ABCG1: variants seen among roughly 807,000 people sequenced by gnomAD.
ABCG1 encodes ATP-binding cassette sub-family G member 1.
ABCG1 carries 29 observed loss-of-function variants against 69.2 expected under a neutral mutation model. That is an observed-to-expected ratio of 0.42 (90% CI 0.31 to 0.57). ABCG1 has a LOEUF of 0.57. ABCG1 is among the 20% of genes least tolerant of loss of function. ABCG1 has a pLI of 0.15. For synonymous variants in ABCG1, 370 were observed against 374.8 expected (o/e 0.99, Z 0.15); for missense variants, 718 against 898.1 (o/e 0.80, Z 2.56).
intron 2 of ABCG1, among the ~76,000 whole-genome samples, chr21:42,253,107 T>G (rs2068249093): frequency 2.0e-5 from 3 of 152,138 alleles, no homozygotes; most frequent in African/African-American, 7.2e-5. Context: ...AAGATCCAGA[T>G]GCTAGCCTTG....
At chr21:42,282,707 C>A (rs552382434) in intron 6 of ABCG1, among the ~76,000 whole-genome samples, 2 of 152,368 alleles carry the variant, frequency 1.3e-5, no homozygotes, top group Non-Finnish European at 2.9e-5. Flanking sequence ...CCAAGTTCCC[C>A]GTGGCTCAGC....
chr21:42,248,081 G>A (rs1482487524), intron 2 of ABCG1, among the ~76,000 whole-genome samples: 1 of 152,196 alleles, frequency 6.6e-6, no homozygotes, highest in Non-Finnish European at 1.5e-5. Flanking sequence ...GGTCATGAGA[G>A]AGCAACGTTT....
At chr21:42,293,350 CCA>C (rs1569243086) in intron 13 of ABCG1, among the ~76,000 whole-genome samples, 1 of 147,118 alleles carries the variant, frequency 6.8e-6, no homozygotes, top group African/African-American at 2.5e-5. Flanking sequence ...ACACTACCCA[CCA>C]CACACTACAC....
At chr21:42,227,226 T>C (rs1315818862) in intron 2 of ABCG1, among the ~76,000 whole-genome samples, 2 of 152,210 alleles carry the variant, frequency 1.3e-5, no homozygotes, top group African/African-American at 2.4e-5. Context: ...TTTCAGAGCA[T>C]ACCAGCCTGT....
chr21:42,205,673 C>T (rs1222712495), intron 2 of ABCG1, among the ~76,000 whole-genome samples: 1 of 150,200 alleles, frequency 6.7e-6, no homozygotes, highest in Non-Finnish European at 1.5e-5. Flanking sequence ...CATTGATTTT[C>T]TCTACTGGCT....
intron 2 of ABCG1, among the ~76,000 whole-genome samples, chr21:42,245,043 G>A (rs1285589364): frequency 1.3e-5 from 2 of 152,230 alleles, no homozygotes; most frequent in African/African-American, 2.4e-5. Flanking sequence ...GCCCCCACGC[G>A]CTCCACGAGC....
chr21:42,276,065 A>T lies in ABCG1; in HGVS notation c.538-830A>T, dbSNP rs1462767012. Among the ~76,000 whole-genome samples the T allele has an allele frequency of 6.8e-6, 1 of 147,250 alleles. No homozygotes were observed. The highest frequency in any genetic ancestry group is 1.5e-5 in the Non-Finnish European group (1 of 67,176). On this transcript the variant is annotated intron_variant, in intron 4 of 14. Transcript: ENST00000398449. The surrounding 1 kb of genome is among the most constrained non-coding windows in gnomAD (Gnocchi z 5.3). ...ATCCTCACAGCAACTTCTCTAGCTAATGAGGTGGACAGAGCTTAACCTCAC... is the reference window on the plus strand; with the variant it reads ...ATCCTCACAGCAACTTCTCTAGCTATTGAGGTGGACAGAGCTTAACCTCAC...
At chr21:42,229,075 G>A (rs1007310210) in intron 2 of ABCG1, among the ~76,000 whole-genome samples, 12 of 152,120 alleles carry the variant, frequency 7.9e-5, no homozygotes, top group African/African-American at 2.9e-4. Flanking sequence ...GGTTCCTCCT[G>A]CTCCTGCTTT....
At chr21:42,294,175 G>A (rs1220462232) in intron 13 of ABCG1, among the ~76,000 whole-genome samples, 4 of 152,118 alleles carry the variant, frequency 2.6e-5, no homozygotes, top group Non-Finnish European at 4.4e-5. Flanking sequence ...AGGGGTGCCC[G>A]CCACACACCT....
intron 5 of ABCG1, among the ~76,000 whole-genome samples, chr21:42,280,879 G>A (rs1466494973): frequency 6.6e-6 from 1 of 152,222 alleles, no homozygotes; most frequent in Non-Finnish European, 1.5e-5. Context: ...TGGGAAGAGG[G>A]CTCTGCCCAC....
intron 2 of ABCG1, among the ~76,000 whole-genome samples, chr21:42,231,758 G>A (rs1377908813): frequency 6.6e-6 from 1 of 152,240 alleles, no homozygotes. Context: ...AGATGCTCAG[G>A]CTGAAGGGGG....
At chr21:42,232,355 G>A (rs1313993963) in intron 2 of ABCG1, among the ~76,000 whole-genome samples, 1 of 152,216 alleles carries the variant, frequency 6.6e-6, no homozygotes, top group South Asian at 2.1e-4. Flanking sequence ...ACCAGCTTGG[G>A]CCTGGGATCT....
At chr21:42,233,062 G>T (rs988963414) in intron 2 of ABCG1, among the ~76,000 whole-genome samples, 2 of 152,198 alleles carry the variant, frequency 1.3e-5, no homozygotes, top group Non-Finnish European at 2.9e-5. Flanking sequence ...ACCCAGTGCC[G>T]ACTGTTTTTG....
At chr21:42,257,634 A>G (rs1332677459) in intron 2 of ABCG1, among the ~76,000 whole-genome samples, 3 of 152,220 alleles carry the variant, frequency 2.0e-5, no homozygotes, top group Non-Finnish European at 4.4e-5. Flanking sequence ...CCACATTCCA[A>G]CAATGCTTAC....
At chr21:42,295,129 T>C (rs1433701691) in intron 14 of ABCG1, 1 of 156,296 alleles carries the variant, frequency 6.4e-6, no homozygotes, top group Non-Finnish European at 1.4e-5. Flanking sequence ...GAGACCAGCC[T>C]GGCCAACATG....
At chr21:42,224,375 G>A (rs763331153) in intron 1 of ABCG1, among the ~76,000 whole-genome samples, 5 of 152,128 alleles carry the variant, frequency 3.3e-5, no homozygotes, top group African/African-American at 7.2e-5. Flanking sequence ...CTTCGGGGTC[G>A]CTCCCTTGGA....
At chr21:42,245,578 G>A (rs2068119731) in intron 2 of ABCG1, among the ~76,000 whole-genome samples, 1 of 152,220 alleles carries the variant, frequency 6.6e-6, no homozygotes, top group African/African-American at 2.4e-5. Context: ...AAGGACAGAG[G>A]ACACAGGAGA....
intron 2 of ABCG1, among the ~76,000 whole-genome samples, chr21:42,263,229 T>TG (rs1189912291): frequency 2.0e-5 from 3 of 152,212 alleles, no homozygotes; most frequent in Non-Finnish European, 4.4e-5. Flanking sequence ...ATGGGATTAC[T>TG]GGGGGGTAAT....
rs1376954754 is a variant in ABCG1, at chr21:42,291,355, G to A, written c.1495-143G>A. On this transcript the variant is annotated intron_variant, in intron 12 of 14. Transcript: ENST00000398449. This position sits in a 1 kb window ranked among gnomAD's most constrained non-coding sequence, Gnocchi z 6.4. Reference sequence around the variant, plus strand: ...GGGCCTGACTTCGGGAGCTGTGGCGGGAGCTGTGGGGAGTGGGGAAGGACC... The same window carrying A: ...GGGCCTGACTTCGGGAGCTGTGGCGAGAGCTGTGGGGAGTGGGGAAGGACC... 4 of 1,231,666 alleles carry A rather than the reference G, an allele frequency of 3.2e-6. No homozygotes were observed. Among genetic ancestry groups the A allele is most frequent in the African/African-American group, 3.0e-5 (2 of 66,808 alleles). The allele number at this position is 1,231,666 out of a possible 1,614,324, so 76.3% of individuals were successfully genotyped here. A position where few individuals can be genotyped will look rare whatever the true frequency, so the allele number is the denominator to read the frequency against.
Sources: allele counts gnomAD v4.1 joint callset (sites outside exome capture counted in the v4.1 genomes callset), GRCh38; gene constraint gnomAD v4.1.1; non-coding constraint Gnocchi (gnomAD v3.1); transcripts MANE v1.5; gene names NCBI Gene and HGNC (gene_info 2026-07-23, HGNC 2026-07-21).